Variants in SMC4 observed in about 807,000 individuals in gnomAD.
The protein encoded by SMC4 is structural maintenance of chromosomes 4.
A neutral mutation model predicts 145.6 loss-of-function variants in SMC4; 87 were observed. That is an observed-to-expected ratio of 0.60 (90% CI 0.50 to 0.71). The LOEUF (loss-of-function observed/expected upper bound fraction) is 0.71. SMC4 is among the 30% of genes least tolerant of loss of function. The pLI, the probability that SMC4 is intolerant of heterozygous loss-of-function variation, is 0.00. For synonymous variants in SMC4, 558 were observed against 500.7 expected (o/e 1.11, Z -1.53); for missense variants, 1,447 against 1,537.1 (o/e 0.94, Z 0.98).
chr3:160,424,301 C>A (rs1717527495), intron 15 of SMC4, among the ~76,000 whole-genome samples: 1 of 151,958 alleles, frequency 6.6e-6, no homozygotes, highest in Non-Finnish European at 1.5e-5. Flanking sequence ...AAGTGTTGTG[C>A]TTTGATTTTT....
At chr3:160,410,832 A>T (rs1715910888) in intron 5 of SMC4, among the ~76,000 whole-genome samples, 1 of 152,214 alleles carries the variant, frequency 6.6e-6, no homozygotes, top group Non-Finnish European at 1.5e-5. Context: ...AGGAAATAGG[A>T]ATCACTAAGA....
At chr3:160,420,417 T>C (rs1430315543) in intron 12 of SMC4, among the ~76,000 whole-genome samples, 1 of 152,244 alleles carries the variant, frequency 6.6e-6, no homozygotes, top group South Asian at 2.1e-4. Flanking sequence ...CAGATAAATG[T>C]GTTTCATCAG....
intron 13 of SMC4, among the ~76,000 whole-genome samples, 190 bp downstream of exon 13, chr3:160,421,091 A>G (rs1401489067): frequency 6.6e-6 from 1 of 152,000 alleles, no homozygotes; most frequent in East Asian, 1.9e-4. Flanking sequence ...CACCACACCC[A>G]GCTAATTTTT....
At chr3:160,410,559 T>G (rs1279193142) in intron 5 of SMC4, among the ~76,000 whole-genome samples, 4 of 152,246 alleles carry the variant, frequency 2.6e-5, no homozygotes, top group African/African-American at 9.6e-5. Flanking sequence ...GATTCATACA[T>G]AATATAATGA....
At chr3:160,427,767 C>A (rs560541797) in intron 17 of SMC4, among the ~76,000 whole-genome samples, 1 of 152,118 alleles carries the variant, frequency 6.6e-6, no homozygotes, top group Non-Finnish European at 1.5e-5. Context: ...ACCATTATAT[C>A]GAAATCTGTG....
At chr3:160,427,914 C>G (rs1027419010) in intron 17 of SMC4, among the ~76,000 whole-genome samples, 1 of 152,118 alleles carries the variant, frequency 6.6e-6, no homozygotes, top group African/African-American at 2.4e-5. Flanking sequence ...TGGTGAAACC[C>G]CATCTCTTTG....
chr3:160,431,361 AC>A (rs942024910), intron 20 of SMC4, among the ~76,000 whole-genome samples, 156 bp downstream of exon 20: 1 of 152,180 alleles, frequency 6.6e-6, no homozygotes, highest in African/African-American at 2.4e-5. Flanking sequence ...TTTATAGGGG[AC>A]ATAACAATAT....
chr3:160,410,878 G>A (rs1715918514), intron 5 of SMC4, among the ~76,000 whole-genome samples: 1 of 152,164 alleles, frequency 6.6e-6, no homozygotes, highest in Non-Finnish European at 1.5e-5. Flanking sequence ...TATTTTTAAT[G>A]TGTAATTCTT....
Position 160,421,780 on chromosome 3 carries a change from G to A in SMC4, c.2019+879G>A, listed in dbSNP as rs114516380. Among the ~76,000 whole-genome samples, 1,032 of 152,190 alleles carry A rather than the reference G, an allele frequency of 6.8e-3. 9 individuals are homozygous for A. The highest frequency in any genetic ancestry group is 0.023 in the African/African-American group (964 of 41,504). On this transcript the variant is annotated intron_variant, in intron 13 of 23. Coordinates refer to ENST00000357388, the MANE Select transcript of SMC4 (RefSeq NM_001002800.3). ...CAATCATTTTAAAGTATGTAATTTG[G>A]TGGGTATTAGTATATTCACAGTGTT...
intron 1 of SMC4, 51 bp from the exon 2 acceptor site, chr3:160,400,771 C>T: frequency 1.4e-6 from 2 of 1,431,292 alleles, no homozygotes; most frequent in South Asian, 1.4e-5. Context: ...GGGGCGGGCG[C>T]GGTGTAGCGG....
At chr3:160,425,523 T>C (rs1717700677) in intron 16 of SMC4, among the ~76,000 whole-genome samples, 1 of 152,206 alleles carries the variant, frequency 6.6e-6, no homozygotes. Context: ...TAGCTTTTCT[T>C]AAATTATGGT....
intron 5 of SMC4, 51 bp downstream of exon 5, chr3:160,404,555 T>TC (rs757985424): frequency 1.1e-5 from 17 of 1,570,338 alleles, no homozygotes; most frequent in Non-Finnish European, 1.3e-5. Flanking sequence ...TACTTTTTTT[T>TC]CTATAAAGCT....
chr3:160,431,243 T>C, intron 20 of SMC4, 38 bp downstream of exon 20: 2 of 1,507,982 alleles, frequency 1.3e-6, no homozygotes, highest in Non-Finnish European at 1.8e-6. Flanking sequence ...TTAAACATAT[T>C]CTTTATGAAA....
intron 11 of SMC4, among the ~76,000 whole-genome samples, chr3:160,418,458 T>A (rs904302357): frequency 2.0e-5 from 3 of 151,906 alleles, no homozygotes; most frequent in Admixed American, 2.0e-4. Flanking sequence ...TAAACTTTAA[T>A]CTCCAAAGAT....
Position 160,420,792 on chromosome 3 carries a change from G to T in SMC4, c.1910G>T (p.Cys637Phe), listed in dbSNP as rs888726586. ...EKYDVAISSC[C>F]HALDYIVVDS... ...TACGACGTGGCTATATCATCCTGTT[G>T]TCATGCACTGGACTACATTGTTGTT... The change falls in exon 13 of 24, where the codon TGT becomes TTT. Residue 637 changes from cysteine to phenylalanine, a missense_variant. By Grantham distance (205) the Cys-to-Phe change is radical. Transcript: ENST00000357388. 2 of 1,613,850 alleles carry T rather than the reference G, an allele frequency of 1.2e-6. No individual in the cohort carries two copies. Among genetic ancestry groups the T allele is most frequent in the African/African-American group, 2.7e-5 (2 of 74,896 alleles).
chr3:160,416,744 C>T (rs2108476456), intron 10 of SMC4: 1 of 160,432 alleles, frequency 6.2e-6, no homozygotes, highest in Middle Eastern at 3.0e-3. Flanking sequence ...ACACTAAGCG[C>T]AGGTTAATGT....
intron 13 of SMC4, among the ~76,000 whole-genome samples, chr3:160,422,858 T>C (rs1263041297): frequency 6.6e-6 from 1 of 152,212 alleles, no homozygotes; most frequent in Non-Finnish European, 1.5e-5. Context: ...CAAACTACTC[T>C]TTCCATGTGG....
intron 5 of SMC4, chr3:160,404,811 C>T: frequency 1.8e-6 from 1 of 549,470 alleles, no homozygotes; most frequent in Non-Finnish European, 3.7e-6. Flanking sequence ...TATTACTGTG[C>T]TGCTTTAGTG....
intron 18 of SMC4, among the ~76,000 whole-genome samples, chr3:160,430,312 A>G (rs575293902): frequency 3.0e-4 from 45 of 152,288 alleles, no homozygotes; most frequent in African/African-American, 9.6e-4. Context: ...GAAAATGACA[A>G]AAGAATTTGA....
Sources: allele counts gnomAD v4.1 joint callset (sites outside exome capture counted in the v4.1 genomes callset), GRCh38; gene constraint gnomAD v4.1.1; transcripts MANE v1.5; gene names NCBI Gene and HGNC (gene_info 2026-07-23, HGNC 2026-07-21).